TBC1D2: variants seen among roughly 807,000 people sequenced by gnomAD.
TBC1D2 encodes the protein TBC1 domain family member 2.
A neutral mutation model predicts 91.1 loss-of-function variants in TBC1D2; 58 were observed. The ratio of observed to expected loss-of-function variants is 0.64; its 90% CI spans 0.52 to 0.79. The LOEUF is 0.79. Ranked by LOEUF, TBC1D2 falls within the 30% of genes least tolerant of loss-of-function variation. The pLI is 0.00. For missense variants in TBC1D2, 1,080 were observed against 1,208.3 expected (o/e 0.89, Z 1.57); for synonymous variants, 482 against 511.5 (o/e 0.94, Z 0.78).
chr9:98,211,396 A>T (rs1257900085), intron 7 of TBC1D2, among the ~76,000 whole-genome samples: 1 of 150,584 alleles, frequency 6.6e-6, no homozygotes, highest in African/African-American at 2.4e-5. Context: ...TCCAACACAC[A>T]CCCCTCCCAC....
At chr9:98,227,980 A>G (rs773475313) in intron 5 of TBC1D2, among the ~76,000 whole-genome samples, 1 of 152,286 alleles carries the variant, frequency 6.6e-6, no homozygotes, top group East Asian at 1.9e-4. Flanking sequence ...TGTACAAGTT[A>G]TAAGAAATAT....
chr9:98,200,385 A>T lies in TBC1D2; in HGVS notation c.2458-11T>A. On this transcript the variant is annotated splice_polypyrimidine_tract_variant and intron_variant, in intron 11 of 12. Transcript: ENST00000465784. ...ATAGCGAAACACCACCTGGGGGTAGAGTGGGGGCTCAGGTAGGGCATGGGG... is the reference window on the plus strand; with the variant it reads ...ATAGCGAAACACCACCTGGGGGTAGTGTGGGGGCTCAGGTAGGGCATGGGG... The T allele has an allele frequency of 7.0e-7, 1 of 1,433,358 alleles. No homozygotes were observed. The highest frequency in any genetic ancestry group is 9.3e-7 in the Non-Finnish European group (1 of 1,080,392). 88.8% of individuals were successfully genotyped at this position (1,433,358 alleles called of 1,614,324 possible).
chr9:98,210,583 AC>A, intron 8 of TBC1D2, 72 bp downstream of exon 8: 1 of 1,422,180 alleles, frequency 7.0e-7, no homozygotes, highest in Non-Finnish European at 9.4e-7. Flanking sequence ...GGTTGGCAGG[AC>A]CTGGCAGCAA....
rs538970177 is a variant in TBC1D2, at chr9:98,218,666, G to A, written c.1374+2167C>T. ...CATGATTACAATCAACTCTCAGGCT[G>A]TCTGGAGCCACCTGGCTGATCTAGT... On this transcript the variant is annotated intron_variant, in intron 6 of 12. Coordinates refer to ENST00000465784, the MANE Select transcript of TBC1D2 (RefSeq NM_001267571.2). Among the ~76,000 whole-genome samples the A allele has an allele frequency of 9.0e-4, 137 of 152,324 alleles. 1 individual carries two copies. The highest frequency in any genetic ancestry group is 3.2e-3 in the African/African-American group (134 of 41,560).
chr9:98,224,856 G>A (rs1829192846), intron 5 of TBC1D2, among the ~76,000 whole-genome samples: 1 of 152,084 alleles, frequency 6.6e-6, no homozygotes, highest in South Asian at 2.1e-4. Flanking sequence ...AAGGAGGGTA[G>A]CTCAGGTGGC....
chr9:98,216,158 G>A (rs1313322767), intron 6 of TBC1D2, among the ~76,000 whole-genome samples: 1 of 152,234 alleles, frequency 6.6e-6, no homozygotes, highest in Non-Finnish European at 1.5e-5. Flanking sequence ...GATAATAACA[G>A]TACTACCTCA....
chr9:98,253,682 C>T (rs1213045874), intron 1 of TBC1D2, among the ~76,000 whole-genome samples: 1 of 152,152 alleles, frequency 6.6e-6, no homozygotes, highest in Admixed American at 6.6e-5. Flanking sequence ...CCACCTATTT[C>T]TTCTTTCAAG....
intron 1 of TBC1D2, among the ~76,000 whole-genome samples, chr9:98,254,848 G>C (rs937954606): frequency 6.6e-6 from 1 of 152,178 alleles, no homozygotes; most frequent in Non-Finnish European, 1.5e-5. Flanking sequence ...ACACCCAAAA[G>C]TAAAAGTTTT....
chr9:98,228,495 C>T lies in TBC1D2; in HGVS notation c.978+457G>A, dbSNP rs1193468054. On this transcript the variant is annotated intron_variant, in intron 5 of 12. Transcript: ENST00000465784. The surrounding 1 kb of genome is among the most constrained non-coding windows in gnomAD (Gnocchi z 4.0). ...GTGTTGGTCCTGGCTTAGCCCTGGG[C>T]CACACACATGCTGCTTGTTTGCTTT... 6.6e-6 allele frequency among the ~76,000 whole-genome samples: 1 copy of T among 152,204 alleles called. No individual in the cohort carries two copies. The highest frequency in any genetic ancestry group is 1.9e-4 in the East Asian group (1 of 5,188).
intron 4 of TBC1D2, among the ~76,000 whole-genome samples, chr9:98,232,484 T>A (rs2119136795): frequency 6.6e-6 from 1 of 152,094 alleles, no homozygotes; most frequent in East Asian, 1.9e-4. Flanking sequence ...GATCAGCTAA[T>A]TTTTTTATTT....
In TBC1D2 at chr9:98,224,803, C is replaced by T. The variant is rs371702949; in HGVS notation, c.979-3575G>A. Among the ~76,000 whole-genome samples, 19 of 152,220 alleles carry T rather than the reference C, an allele frequency of 1.2e-4. No individual in the cohort carries two copies. The South Asian group carries it at 3.9e-3, about 32-fold the overall frequency. Reference sequence around the variant, plus strand: ...CTTTGGAGTTGCACAGGCCTCGGTTCCCATTCTGGATCCGTGGGGGGTGTA... The same window carrying T: ...CTTTGGAGTTGCACAGGCCTCGGTTTCCATTCTGGATCCGTGGGGGGTGTA... On this transcript the variant is annotated intron_variant, in intron 5 of 12. Coordinates refer to ENST00000465784, the MANE Select transcript of TBC1D2 (RefSeq NM_001267571.2).
At chr9:98,230,845 C>A (rs1422325324) in intron 4 of TBC1D2, among the ~76,000 whole-genome samples, 1 of 152,144 alleles carries the variant, frequency 6.6e-6, no homozygotes, top group African/African-American at 2.4e-5. Context: ...CATGCCAGTG[C>A]GCTTTAGCCT....
intron 3 of TBC1D2, 44 bp downstream of exon 3, chr9:98,243,950 G>A (rs763480482): frequency 1.9e-6 from 3 of 1,575,674 alleles, no homozygotes; most frequent in South Asian, 1.2e-5. Flanking sequence ...CACTGAAGGG[G>A]CTGCCTGCAG....
chr9:98,234,902 TC>T, intron 3 of TBC1D2: 1 of 207,170 alleles, frequency 4.8e-6, no homozygotes, highest in South Asian at 9.2e-5. Flanking sequence ...AAAGGTAACA[TC>T]ACAGTAAAGA....
At position 98,208,707 on chromosome 9, in the gene TBC1D2, CAGG is replaced by C. The variant is rs775108739; in HGVS notation, c.2108_2110del (p.Ser703del). The C allele has an allele frequency of 9.7e-6, 15 of 1,541,774 alleles. No homozygotes were observed. The highest frequency in any genetic ancestry group is 1.2e-5 in the South Asian group (1 of 80,346). On this transcript the variant is annotated inframe_deletion, in exon 9 of 13. Transcript: ENST00000465784. ...GCAGTAGCCGATGGTGGGGTTCTGC[CAGG>C]AGAAGGCCAGCAGCACCCGGCGGAG... is the stretch of plus-strand genomic sequence containing the variant.
At chr9:98,213,044 G>T in intron 7 of TBC1D2, 64 bp downstream of exon 7, 5 of 1,558,830 alleles carry the variant, frequency 3.2e-6, no homozygotes, top group Non-Finnish European at 4.4e-6. Context: ...GACGGAGTGG[G>T]CAGCATGGGG....
In TBC1D2 at chr9:98,235,096, C is replaced by T. The variant is rs776436039; in HGVS notation, c.648-1547G>A. On this transcript the variant is annotated intron_variant, in intron 3 of 12. Transcript: ENST00000465784. ...GCGCATGCCTGTAGTCCCAGCTACT[C>T]GGGAGGCTGAGGCAGAGAATCGCTT... 14 of 219,670 alleles carry T rather than the reference C, an allele frequency of 6.4e-5. 1 individual carries two copies. Among genetic ancestry groups the T allele is most frequent in the African/African-American group, 2.6e-4 (11 of 42,942 alleles). The allele number at this position is 219,670 out of a possible 1,614,324, so 13.6% of individuals were successfully genotyped here. A position where few individuals can be genotyped will look rare whatever the true frequency, so the allele number is the denominator to read the frequency against.
chr9:98,201,654 C>G lies in TBC1D2; in HGVS notation c.2282G>C (p.Arg761Pro), dbSNP rs745782199. 6 of 1,611,062 alleles carry G rather than the reference C, an allele frequency of 3.7e-6. No individual in the cohort carries two copies. Among genetic ancestry groups the G allele is most frequent in the South Asian group, 3.3e-5 (3 of 90,942 alleles). ...CTCCGAGAGCAGGTCCTGGAGCACC[C>G]GCTGGTCCACCTGGAAGCCAGCGAG... is the stretch of plus-strand genomic sequence containing the variant. ...NTLTASQVDQ[R>P]VLQDLLSEKL... is the part of the protein sequence containing the mutation. Residue 761 changes from arginine to proline, a missense_variant, in exon 11 of 13, where the codon CGG (arginine) becomes CCG (proline). Physicochemically the swap from Arg to Pro is moderately radical, Grantham distance 103 (BLOSUM62 -2). Transcript: ENST00000465784.
chr9:98,232,834 T>C (rs1829404859), intron 4 of TBC1D2, among the ~76,000 whole-genome samples: 2 of 152,218 alleles, frequency 1.3e-5, no homozygotes, highest in Non-Finnish European at 2.9e-5. Flanking sequence ...TTGGTTTTGT[T>C]TGAGACGGAG....
Sources: allele counts gnomAD v4.1 joint callset (sites outside exome capture counted in the v4.1 genomes callset), GRCh38; gene constraint gnomAD v4.1.1; non-coding constraint Gnocchi (gnomAD v3.1); transcripts MANE v1.5; gene names NCBI Gene and HGNC (gene_info 2026-07-23, HGNC 2026-07-21).